TTC21B: variants seen among roughly 807,000 people sequenced by gnomAD.
TTC21B encodes tetratricopeptide repeat protein 21B.
Under a neutral mutation model 175.1 loss-of-function variants are expected in TTC21B, and 127 were observed. The ratio of observed to expected loss-of-function variants is 0.73; its 90% CI spans 0.63 to 0.84. The LOEUF (loss-of-function observed/expected upper bound fraction) is 0.84, where lower values mean the gene tolerates loss of function less well. Ranked by LOEUF, TTC21B falls within the 40% of genes least tolerant of loss-of-function variation. TTC21B has a pLI of 0.00. For missense variants in TTC21B, 1,561 were observed against 1,558.3 expected (o/e 1.00, Z -0.03); for synonymous variants, 524 against 524.5 (o/e 1.00, Z 0.01).
chr2:165,930,468 G>GC lies in TTC21B; in HGVS notation c.895-105_895-104insG. The GC allele has an allele frequency of 2.5e-6, 2 of 785,674 alleles. 1 individual carries two copies. The highest frequency in any genetic ancestry group is 7.0e-5 in the Admixed American group (2 of 28,754). 48.7% of individuals were successfully genotyped at this position (785,674 alleles called of 1,614,324 possible). On this transcript the variant is annotated intron_variant, in intron 8 of 28. Transcript: ENST00000243344. ...TATATATTATTTGTACTTCAAAGGA[G>GC]TGATGAAAAAGAAAAAAATTAATAA... is the stretch of plus-strand genomic sequence containing the variant.
At chr2:165,930,738 T>TGTGG (rs1559067301) in intron 8 of TTC21B, among the ~76,000 whole-genome samples, 15 of 49,346 alleles carry the variant, frequency 3.0e-4, no homozygotes, top group African/African-American at 7.7e-4. Flanking sequence ...TGGGGGTGTG[T>TGTGG]GTGTGTGTGT....
chr2:165,927,174 A>T (rs1686685306), intron 11 of TTC21B, among the ~76,000 whole-genome samples: 1 of 66,798 alleles, frequency 1.5e-5, no homozygotes, highest in Non-Finnish European at 3.1e-5. Context: ...CCTAACAGTT[A>T]TATATATATA....
rs1158269801 is a variant in TTC21B, at chr2:165,949,607, T to G, written c.139A>C (p.Thr47Pro). 1 of 1,613,694 alleles carries G rather than the reference T, an allele frequency of 6.2e-7. No individual in the cohort carries two copies. The highest frequency in any genetic ancestry group is 8.5e-7 in the Non-Finnish European group (1 of 1,179,878). ...PVFRFYHAYGTLMEGKTQEAL... is the reference protein window; with the variant it reads ...PVFRFYHAYGPLMEGKTQEAL... Reference sequence around the variant, plus strand: ...GATTAACACGTACCTTCCATTAATGTGCCATAGGCATGATAAAACCTGAAG... The same window carrying G: ...GATTAACACGTACCTTCCATTAATGGGCCATAGGCATGATAAAACCTGAAG... Residue 47 changes from threonine to proline, a missense_variant, in exon 2 of 29, where the codon ACA becomes CCA. Physicochemically the swap from Thr to Pro is conservative, Grantham distance 38. Coordinates refer to ENST00000243344, the MANE Select transcript of TTC21B (RefSeq NM_024753.5).
At chr2:165,939,986 C>T (rs1309970029) in intron 6 of TTC21B, among the ~76,000 whole-genome samples, 1 of 152,192 alleles carries the variant, frequency 6.6e-6, no homozygotes, top group Non-Finnish European at 1.5e-5. Context: ...GTACCTTCCT[C>T]TTAGGGTTAC....
rs1420020895 is a variant in TTC21B at position 165,880,766 on chromosome 2, T to G, written c.3718A>C (p.Ile1240Leu). 1 of 1,613,098 alleles carries G rather than the reference T, an allele frequency of 6.2e-7. No individual in the cohort carries two copies. Among genetic ancestry groups the G allele is most frequent in the African/African-American group, 1.3e-5 (1 of 74,920 alleles). ...GTATATGCTTGCTCTTTTTCCATAA[T>G]GTATCCCATATATTCATAAGCTTTG... ...CCKAYEYMGY[I>L]MEKEQAYTDA... Residue 1240 changes from isoleucine (I) to leucine (L), a missense_variant, in exon 27 of 29, where the codon ATT becomes CTT. Physicochemically the swap from Ile to Leu is conservative, Grantham distance 5 (BLOSUM62 2). Transcript: ENST00000243344.
At position 165,890,871 on chromosome 2, in the gene TTC21B, G is replaced by A; in HGVS notation, c.3068C>T (p.Pro1023Leu). 1 of 1,613,140 alleles carries A rather than the reference G, an allele frequency of 6.2e-7. No individual in the cohort carries two copies. Among genetic ancestry groups the A allele is most frequent in the Non-Finnish European group, 8.5e-7 (1 of 1,179,542 alleles). ...EKRNSRAKLE[P>L]GFQYCKGLYL... is the part of the protein sequence containing the mutation. ...CAGTCCTTTACAATACTGAAATCCT[G>A]GTTCCAATTTTGCTCTGGAGTTACG... The change falls in exon 23 of 29, where the codon CCA becomes CTA. Residue 1023 changes from proline to leucine, a missense_variant. Pro to Leu is a moderately conservative substitution (Grantham distance 98). Transcript: ENST00000243344.
rs1355466676 is a variant in TTC21B at position 165,874,245 on chromosome 2, C to G, written c.*510G>C. 6.5e-6 allele frequency: 1 copy of G among 152,920 alleles called. No individual in the cohort carries two copies. Among genetic ancestry groups the G allele is most frequent in the African/African-American group, 2.4e-5 (1 of 41,434 alleles). 9.5% of individuals were successfully genotyped at this position (152,920 alleles called of 1,614,324 possible). ...CCTTTAGTCCCAGCTACTCGGGAGG[C>G]TGAAGCAGGAGAATCGCGTAAACCC... is the stretch of plus-strand genomic sequence containing the variant. On this transcript the variant is annotated 3_prime_UTR_variant, in exon 29 of 29. Transcript: ENST00000243344.
intron 18 of TTC21B, among the ~76,000 whole-genome samples, chr2:165,908,519 C>G (rs1197330755): frequency 3.3e-5 from 5 of 152,218 alleles, no homozygotes; most frequent in Non-Finnish European, 7.4e-5. Flanking sequence ...AAAAATGTTT[C>G]CTCCACCATT....
chr2:165,953,640 T>TCCAC (rs1687829623), intron 1 of TTC21B, 45 bp downstream of exon 1: 1 of 1,288,236 alleles, frequency 7.8e-7, no homozygotes, highest in Non-Finnish European at 1.0e-6. Context: ...GCAAAGGAAC[T>TCCAC]CCGCCCGCCC....
intron 25 of TTC21B, among the ~76,000 whole-genome samples, 171 bp downstream of exon 25, chr2:165,888,108 C>T (rs894604815): frequency 2.6e-5 from 4 of 152,168 alleles, no homozygotes; most frequent in South Asian, 2.1e-4. Context: ...ACAGTAACAT[C>T]GTCTCTTCCG....
rs755837422 is a variant in TTC21B at position 165,917,383 on chromosome 2, ACTC to A, written c.1770_1772del (p.Met590_Ser591delinsIle). On this transcript the variant is annotated inframe_deletion, in exon 14 of 29. Coordinates refer to ENST00000243344, the MANE Select transcript of TTC21B (RefSeq NM_024753.5). ...CTCCAATTCTTTTCATTCCTGGTAA[ACTC>A]ATTGCCATATGCAGTGTTTTAATTG... The A allele has an allele frequency of 6.2e-7, 1 of 1,613,864 alleles. No homozygotes were observed. The highest frequency in any genetic ancestry group is 1.1e-5 in the South Asian group (1 of 91,070).
In TTC21B at chr2:165,898,729, T is replaced by C. The variant is rs1382273098; in HGVS notation, c.2907A>G (p.Glu969=). The C allele has an allele frequency of 1.9e-6, 3 of 1,613,784 alleles. No homozygotes were observed. The highest frequency in any genetic ancestry group is 8.5e-7 in the Non-Finnish European group (1 of 1,179,690). ...ADLMFRKQDY[E]QAVFHLQQLL... The stretch of plus-strand genomic sequence containing the variant: ...GCTGCTGTAAATGAAACACTGCTTG[T>C]TCATAGTCTTGTTTTCTGAACATGA... The change falls in exon 22 of 29, where the codon GAA becomes GAG. Residue 969 remains glutamate (E), a synonymous_variant. Coordinates refer to ENST00000243344, the MANE Select transcript of TTC21B (RefSeq NM_024753.5).
At chr2:165,931,682 T>A (rs1686912070) in intron 8 of TTC21B, 76 bp downstream of exon 8, 1 of 1,255,456 alleles carries the variant, frequency 8.0e-7, no homozygotes, top group Admixed American at 1.7e-5. Flanking sequence ...TGCTCTTCCC[T>A]GCTTCCACCT....
chr2:165,901,837 T>C lies in TTC21B; in HGVS notation c.2642A>G (p.His881Arg), dbSNP rs756383286. The C allele has an allele frequency of 3.7e-6, 6 of 1,614,106 alleles. No individual in the cohort carries two copies. Among genetic ancestry groups the C allele is most frequent in the Non-Finnish European group, 5.1e-6 (6 of 1,180,002 alleles). The change falls in exon 20 of 29, where the codon CAT becomes CGT. Residue 881 changes from histidine to arginine, a missense_variant. Transcript: ENST00000243344. ...EQPDAVPAQK[H>R]LAAEICAEIA... ...CTCTGCACAAATTTCAGCTGCTAAATGTTTCTGTGCAGGAACTGCATCTGG... is the reference window on the plus strand; with the variant it reads ...CTCTGCACAAATTTCAGCTGCTAAACGTTTCTGTGCAGGAACTGCATCTGG...
At chr2:165,882,307 ATT>A (rs1327455004) in intron 26 of TTC21B, among the ~76,000 whole-genome samples, 5 of 152,154 alleles carry the variant, frequency 3.3e-5, no homozygotes, top group African/African-American at 1.2e-4. Flanking sequence ...AAGGCAGGAT[ATT>A]TATTTGCAAG....
intron 18 of TTC21B, among the ~76,000 whole-genome samples, chr2:165,910,384 C>T (rs552224843): frequency 1.1e-3 from 173 of 151,316 alleles, no homozygotes; most frequent in African/African-American, 4.0e-3. Context: ...GCCTGGGCAA[C>T]AGAGTGAGAC....
chr2:165,911,892 T>A (rs1685962090), intron 17 of TTC21B, among the ~76,000 whole-genome samples: 1 of 152,150 alleles, frequency 6.6e-6, no homozygotes, highest in Non-Finnish European at 1.5e-5. Context: ...TTCAAACTCC[T>A]GAACTCAATT....
chr2:165,916,183 G>C (rs910081081), intron 14 of TTC21B, among the ~76,000 whole-genome samples: 3 of 152,134 alleles, frequency 2.0e-5, no homozygotes, highest in Non-Finnish European at 4.4e-5. Flanking sequence ...AAATCTCTTG[G>C]ACCCAGGAGT....
intron 18 of TTC21B, among the ~76,000 whole-genome samples, chr2:165,908,048 TTTAACACCACAA>T (rs1685801907): frequency 6.6e-6 from 1 of 152,168 alleles, no homozygotes; most frequent in Non-Finnish European, 1.5e-5. Context: ...GAGATAACAA[TTTAACACCACAA>T]TAATTTCCAT....
Sources: gnomAD v4.1 joint callset for allele counts (sites outside exome capture counted in the v4.1 genomes callset) on GRCh38, gnomAD v4.1.1 for gene constraint, MANE v1.5 for transcripts, NCBI Gene and HGNC (gene_info 2026-07-23, HGNC 2026-07-21) for gene names.